Variants in OPCML observed in about 807,000 individuals in gnomAD.
The protein encoded by OPCML is opioid-binding protein/cell adhesion molecule.
Under a neutral mutation model 37.8 loss-of-function variants are expected in OPCML, and 13 were observed. The observed-to-expected ratio is 0.34, with a 90% CI of 0.22 to 0.55. The LOEUF is 0.55. Ranked by LOEUF, OPCML falls within the 20% of genes least tolerant of loss-of-function variation. OPCML has a pLI of 0.91. For missense variants in OPCML, 341 were observed against 435.6 expected (o/e 0.78, Z 1.93); for synonymous variants, 176 against 168.8 (o/e 1.04, Z -0.33).
intron 2 of OPCML, among the ~76,000 whole-genome samples, chr11:132,893,829 C>T (rs1943739767): frequency 2.0e-5 from 3 of 152,186 alleles, no homozygotes; most frequent in African/African-American, 7.2e-5. Flanking sequence ...GGCTGTATCT[C>T]GTCTCCTGGC....
chr11:132,539,507 G>A lies in OPCML; in HGVS notation c.380-10321C>T, dbSNP rs577298379. Among the ~76,000 whole-genome samples, 8 of 152,102 alleles carry A rather than the reference G, an allele frequency of 5.3e-5. No homozygotes were observed. In the South Asian group the frequency reaches 1.7e-3, roughly 32 times the overall value. On this transcript the variant is annotated intron_variant, in intron 3 of 7. Transcript: ENST00000524381. The stretch of plus-strand genomic sequence containing the variant: ...TGGGCTATACATTAAAATGTTTAAA[G>A]ACATGCTGCTGCTGCTGCTGCTGCT...
At chr11:132,493,562 T>G (rs749387657) in intron 4 of OPCML, among the ~76,000 whole-genome samples, 38 of 152,298 alleles carry the variant, frequency 2.5e-4, no homozygotes, top group Middle Eastern at 3.4e-3. Context: ...CCTCTCCCTT[T>G]CTGTGTCTGC....
chr11:132,930,151 C>T (rs144884539), intron 2 of OPCML, among the ~76,000 whole-genome samples: 85 of 152,110 alleles, frequency 5.6e-4, no homozygotes, highest in African/African-American at 1.9e-3. Flanking sequence ...ATAGCTTGAG[C>T]CCAGGAGTTT....
chr11:133,219,748 C>T (rs548262168), intron 1 of OPCML, among the ~76,000 whole-genome samples: 11 of 152,068 alleles, frequency 7.2e-5, no homozygotes, highest in Non-Finnish European at 1.5e-4. Context: ...CAACTGTGCC[C>T]CCTGGAGGAC....
At chr11:132,870,516 G>T (rs917897273) in intron 2 of OPCML, among the ~76,000 whole-genome samples, 2 of 151,892 alleles carry the variant, frequency 1.3e-5, no homozygotes, top group African/African-American at 4.8e-5. Flanking sequence ...AATAAAAATG[G>T]CGCCACCCTA....
intron 1 of OPCML, among the ~76,000 whole-genome samples, chr11:133,503,939 G>T (rs919244191): frequency 2.6e-5 from 4 of 152,220 alleles, no homozygotes; most frequent in African/African-American, 9.6e-5. Flanking sequence ...GGGCAGGGAA[G>T]GCGGGAGGAG....
chr11:133,278,702 T>A (rs889421715), intron 1 of OPCML, among the ~76,000 whole-genome samples: 1 of 152,100 alleles, frequency 6.6e-6, no homozygotes, highest in African/African-American at 2.4e-5. Flanking sequence ...TCTAATTTAA[T>A]ACAAGTAGCA....
At chr11:133,201,698 T>C (rs1938799056) in intron 1 of OPCML, among the ~76,000 whole-genome samples, 1 of 152,118 alleles carries the variant, frequency 6.6e-6, no homozygotes, top group African/African-American at 2.4e-5. Context: ...AGAGTTGAGG[T>C]AGCAGAATAG....
intron 2 of OPCML, among the ~76,000 whole-genome samples, chr11:132,783,731 C>G (rs1947109673): frequency 6.6e-6 from 1 of 152,058 alleles, no homozygotes; most frequent in Admixed American, 6.5e-5. Flanking sequence ...CCACTCTTTC[C>G]CTAAGTATAG....
intron 3 of OPCML, among the ~76,000 whole-genome samples, chr11:132,607,728 C>T (rs1014095564): frequency 2.6e-5 from 4 of 152,146 alleles, no homozygotes; most frequent in African/African-American, 9.7e-5. Context: ...GTTTCACTTT[C>T]CTTTTATATG....
rs150885157 is a variant in OPCML, at chr11:133,050,740, C to G, written c.62-107730G>C. On this transcript the variant is annotated intron_variant, in intron 1 of 7. Transcript: ENST00000524381. ...TCTTCCTTTTTTTTTTTTTTCAGTG[C>G]ATTTTGTCCTGAACAATCAAGATAG... is the stretch of plus-strand genomic sequence containing the variant. 1.3e-3 allele frequency among the ~76,000 whole-genome samples: 189 copies of G among 145,232 alleles called. 1 individual carries two copies. Among genetic ancestry groups the G allele is most frequent in the African/African-American group, 4.7e-3 (183 of 39,042 alleles).
chr11:132,722,195 T>G (rs1211555785), intron 2 of OPCML, among the ~76,000 whole-genome samples: 1 of 151,748 alleles, frequency 6.6e-6, no homozygotes, highest in Non-Finnish European at 1.5e-5. Context: ...GACCTCATGA[T>G]CCACCTGCCT....
At chr11:133,046,185 T>C (rs1459074494) in intron 1 of OPCML, among the ~76,000 whole-genome samples, 4 of 152,206 alleles carry the variant, frequency 2.6e-5, no homozygotes, top group African/African-American at 9.7e-5. Flanking sequence ...ACCTAGATTC[T>C]CTGGGAAAGC....
At chr11:132,420,809 C>T (rs1365811102) in intron 7 of OPCML, among the ~76,000 whole-genome samples, 1 of 152,144 alleles carries the variant, frequency 6.6e-6, no homozygotes, top group African/African-American at 2.4e-5. Flanking sequence ...GGAGGCTCCT[C>T]CTGCAGCAGC....
chr11:133,248,528 G>A (rs1941026950), intron 1 of OPCML, among the ~76,000 whole-genome samples: 1 of 152,230 alleles, frequency 6.6e-6, no homozygotes. Context: ...ACTTTCTAGT[G>A]ATATCAGTCT....
Position 133,435,854 on chromosome 11 carries a change from A to G in OPCML, c.61+96410T>C, listed in dbSNP as rs548551806. On this transcript the variant is annotated intron_variant, in intron 1 of 7. Coordinates refer to ENST00000524381, the MANE Select transcript of OPCML (RefSeq NM_001012393.5). ...CCACCTCTCTAGAGGGGACAAGAGC[A>G]CATTACGCATATTGCACAGTTTTGC... 9.8e-5 allele frequency among the ~76,000 whole-genome samples: 15 copies of G among 152,378 alleles called. No individual in the cohort carries two copies. In the South Asian group the frequency reaches 2.9e-3, roughly 29 times the overall value.
intron 1 of OPCML, chr11:133,004,633 CTA>C: frequency 1.1e-5 from 11 of 985,488 alleles, no homozygotes; most frequent in Non-Finnish European, 1.3e-5. Flanking sequence ...GCCCCCACTG[CTA>C]ACAGCTGCTC....
chr11:133,417,463 TTTTATTTATTTA>T (rs143828312), intron 1 of OPCML, among the ~76,000 whole-genome samples: 4 of 151,398 alleles, frequency 2.6e-5, no homozygotes, highest in Admixed American at 6.6e-5. Context: ...ACCTGGATTC[TTTTATTTATTTA>T]TTTATTTATT....
chr11:132,505,960 A>G (rs907146736), intron 4 of OPCML, among the ~76,000 whole-genome samples: 5 of 152,198 alleles, frequency 3.3e-5, no homozygotes, highest in Admixed American at 1.3e-4. Context: ...CAGAAGAGAC[A>G]CATCACATCT....
Sources: allele counts gnomAD v4.1 joint callset (sites outside exome capture counted in the v4.1 genomes callset), GRCh38; gene constraint gnomAD v4.1.1; transcripts MANE v1.5; gene names NCBI Gene and HGNC (gene_info 2026-07-23, HGNC 2026-07-21).